SVOPL: variants seen among roughly 807,000 people sequenced by gnomAD.
SVOPL encodes putative transporter SVOPL.
In SVOPL, 60 loss-of-function variants were observed where a neutral mutation model predicts 61.0. The ratio of observed to expected loss-of-function variants is 0.98; its 90% CI spans 0.80 to 1.22. SVOPL has a LOEUF of 1.22. Among genes scored for constraint, SVOPL ranks in the 50% most tolerant of loss-of-function variants. The probability of loss-of-function intolerance (pLI) is 0.00; values close to 1 mark genes in which losing one functional copy is unlikely to be tolerated. For synonymous variants in SVOPL, 279 were observed against 250.0 expected (o/e 1.12, Z -1.09); for missense variants, 662 against 643.9 (o/e 1.03, Z -0.30).
Position 138,621,946 on chromosome 7 carries a change from GTATCTATCTATCTA to G in SVOPL, c.1264-825_1264-812del, listed in dbSNP as rs1563095770. Among the ~76,000 whole-genome samples, 14 of 16,400 alleles carry G rather than the reference GTATCTATCTATCTA, an allele frequency of 8.5e-4. 1 individual carries two copies. Among genetic ancestry groups the G allele is most frequent in the African/African-American group, 2.5e-3 (14 of 5,546 alleles). 10.8% of individuals were successfully genotyped at this position (16,400 alleles called of 152,430 possible). A position where few individuals can be genotyped will look rare whatever the true frequency, so the allele number is the denominator to read the frequency against. On this transcript the variant is annotated intron_variant, in intron 13 of 15. Coordinates refer to ENST00000674285, the MANE Select transcript of SVOPL (RefSeq NM_001139456.2). ...TCTATCTATGTATCTATCTATCTATGTATCTATCTATCTATGTATCTATCTATGTATCTATCTAT... is the reference window on the plus strand; with the variant it reads ...TCTATCTATGTATCTATCTATCTATGTGTATCTATCTATGTATCTATCTAT...
chr7:138,672,681 A>C (rs1802458868), intron 3 of SVOPL, among the ~76,000 whole-genome samples: 1 of 150,614 alleles, frequency 6.6e-6, no homozygotes. Flanking sequence ...AAAAAGAAGC[A>C]ATGGGATCTC....
chr7:138,616,900 C>T (rs1357775117), intron 14 of SVOPL, among the ~76,000 whole-genome samples: 1 of 152,230 alleles, frequency 6.6e-6, no homozygotes, highest in Non-Finnish European at 1.5e-5. Context: ...AAGTCTCACA[C>T]TTCAGCCTCC....
At chr7:138,676,251 T>C (rs1802556951) in intron 3 of SVOPL, among the ~76,000 whole-genome samples, 1 of 152,266 alleles carries the variant, frequency 6.6e-6, no homozygotes, top group Admixed American at 6.5e-5. Context: ...GTCATTCTTC[T>C]TTCTTCAAAA....
At chr7:138,629,024 T>TA (rs761030113) in intron 10 of SVOPL, among the ~76,000 whole-genome samples, 1 of 151,894 alleles carries the variant, frequency 6.6e-6, no homozygotes, top group Non-Finnish European at 1.5e-5. Context: ...CAAAATAAAA[T>TA]AAATAAATTT....
intron 14 of SVOPL, among the ~76,000 whole-genome samples, chr7:138,615,240 G>A (rs1799237150): frequency 6.6e-6 from 1 of 152,102 alleles, no homozygotes. Flanking sequence ...GAGCACTCAT[G>A]AATGGAATTA....
Position 138,660,031 on chromosome 7 carries a change from C to T in SVOPL, c.346-43G>A, listed in dbSNP as rs151147413. ...CACATGAATGGGACCTGCCTCAATG[C>T]GGGGAGGGAAGAAGCCCTAACTTCT... On this transcript the variant is annotated intron_variant, in intron 5 of 15. Transcript: ENST00000674285. The T allele has an allele frequency of 3.4e-5, 53 of 1,546,548 alleles. No homozygotes were observed. In the African/African-American group the frequency reaches 5.3e-4, roughly 16 times the overall value.
intron 9 of SVOPL, among the ~76,000 whole-genome samples, chr7:138,632,711 G>A (rs376775100): frequency 2.0e-5 from 3 of 151,728 alleles, no homozygotes; most frequent in East Asian, 2.0e-4. Context: ...ATGGGAGACA[G>A]GGGGTTGTGG....
At chr7:138,620,021 C>T (rs1245897203) in intron 14 of SVOPL, among the ~76,000 whole-genome samples, 1 of 151,952 alleles carries the variant, frequency 6.6e-6, no homozygotes, top group African/African-American at 2.4e-5. Context: ...CTGTCAGTGC[C>T]CCCACTCCCA....
rs560454465 is a variant in SVOPL at position 138,700,082 on chromosome 7, A to G, written c.-35+1096T>C. On this transcript the variant is annotated intron_variant, in intron 1 of 15. Coordinates refer to ENST00000674285, the MANE Select transcript of SVOPL (RefSeq NM_001139456.2). ...TGTAGCGTTCACATCTGTACCTTGGAAAGGGGCTTACTCTCCAAGTCATTA... is the reference window on the plus strand; with the variant it reads ...TGTAGCGTTCACATCTGTACCTTGGGAAGGGGCTTACTCTCCAAGTCATTA... Among the ~76,000 whole-genome samples the G allele has an allele frequency of 2.0e-5, 3 of 152,256 alleles. No homozygotes were observed. In the East Asian group the frequency reaches 5.8e-4, roughly 29 times the overall value.
At chr7:138,664,046 C>G (rs1451951703) in intron 4 of SVOPL, among the ~76,000 whole-genome samples, 1 of 152,148 alleles carries the variant, frequency 6.6e-6, no homozygotes, top group African/African-American at 2.4e-5. Flanking sequence ...CTTTCTAGGA[C>G]AGAAACGTTC....
chr7:138,596,453 G>T lies in SVOPL; in HGVS notation c.1431C>A (p.Phe477Leu). The change falls in exon 15 of 16, where the codon TTC becomes TTA. Residue 477 changes from phenylalanine to leucine, a missense_variant. By Grantham distance (22) the Phe-to-Leu change is conservative (BLOSUM62 0). Coordinates refer to ENST00000674285, the MANE Select transcript of SVOPL (RefSeq NM_001139456.2). ...SVCVVCAISA[F>L]TLPIETKGRA... ...GTCCTTTGGTTTCGATGGGGAGAGT[G>T]AATGCAGAAATGGCGCATACAACAC... 5.0e-6 allele frequency: 8 copies of T among 1,614,004 alleles called. No homozygotes were observed. The highest frequency in any genetic ancestry group is 1.3e-5 in the African/African-American group (1 of 75,024).
Position 138,644,723 on chromosome 7 carries a change from G to C in SVOPL, c.783C>G (p.Pro261=). 1.9e-6 allele frequency: 3 copies of C among 1,614,040 alleles called. No individual in the cohort carries two copies. The highest frequency in any genetic ancestry group is 2.5e-6 in the Non-Finnish European group (3 of 1,180,000). Residue 261 remains proline, a synonymous_variant, in exon 9 of 16, where the codon CCC becomes CCG. Coordinates refer to ENST00000674285, the MANE Select transcript of SVOPL (RefSeq NM_001139456.2). ...CTCGGGGGCCAGCACTCACCAGGAC[G>C]GGCTCCACCAGCTTCCCCTCCGGCA... The part of the protein sequence containing the change: ...SVMPEGKLVE[P]VLEKRGRFAD...
At chr7:138,651,554 T>C (rs748885549) in intron 7 of SVOPL, among the ~76,000 whole-genome samples, 6 of 152,222 alleles carry the variant, frequency 3.9e-5, no homozygotes, top group Non-Finnish European at 7.3e-5. Context: ...ATTTTCCCAA[T>C]AGCATGTGCT....
Position 138,612,416 on chromosome 7 carries a change from A to T in SVOPL, c.1353+8630T>A, listed in dbSNP as rs1417263868. Among the ~76,000 whole-genome samples, 43 of 135,552 alleles carry T rather than the reference A, an allele frequency of 3.2e-4. 8 individuals carry two copies. Among genetic ancestry groups the T allele is most frequent in the South Asian group, 5.3e-4 (2 of 3,740 alleles). 88.9% of individuals were successfully genotyped at this position (135,552 alleles called of 152,430 possible). A position where few individuals can be genotyped will look rare whatever the true frequency, so the allele number is the denominator to read the frequency against. On this transcript the variant is annotated intron_variant, in intron 14 of 15. Transcript: ENST00000674285. Reference sequence around the variant, plus strand: ...ATAAAAAAATAAATTAAAAAAAAAAAAAAAAAATAAAATAAAAAATAAAAA... The same window carrying T: ...ATAAAAAAATAAATTAAAAAAAAAATAAAAAAATAAAATAAAAAATAAAAA...
rs556616106 is a variant in SVOPL at position 138,646,399 on chromosome 7, G to A, written c.661-1554C>T. On this transcript the variant is annotated intron_variant, in intron 8 of 15. Transcript: ENST00000674285. Reference sequence around the variant, plus strand: ...TATGTGGCCAAAGGAACAACTCCATGTTGTCTAAGAGGTCTGGTGACCTCT... The same window carrying A: ...TATGTGGCCAAAGGAACAACTCCATATTGTCTAAGAGGTCTGGTGACCTCT... The A allele has an allele frequency of 1.6e-5, 3 of 189,174 alleles. No individual in the cohort carries two copies. The South Asian group carries it at 3.4e-4, about 22-fold the overall frequency. 11.7% of individuals were successfully genotyped at this position (189,174 alleles called of 1,614,324 possible).
intron 14 of SVOPL, among the ~76,000 whole-genome samples, chr7:138,603,955 C>CTT (rs560678707): frequency 1.4e-3 from 152 of 109,236 alleles, no homozygotes; most frequent in African/African-American, 3.4e-3. Flanking sequence ...TTAATTTATT[C>CTT]TTTTTTTTTT....
At chr7:138,644,988 G>A (rs117028169) in intron 8 of SVOPL, 143 bp from the exon 9 acceptor site, 23,990 of 1,057,754 alleles carry the variant, frequency 0.023, 354 homozygotes, top group Non-Finnish European at 0.028. Flanking sequence ...AATGTAGCAG[G>A]TATTCTGTTG....
intron 14 of SVOPL, among the ~76,000 whole-genome samples, chr7:138,609,651 C>A (rs1798906393): frequency 6.6e-6 from 1 of 150,580 alleles, no homozygotes; most frequent in Non-Finnish European, 1.5e-5. Context: ...AGAGTGAGAC[C>A]CTGTCTTAAA....
At chr7:138,637,259 C>T (rs1800510919) in intron 9 of SVOPL, among the ~76,000 whole-genome samples, 1 of 151,856 alleles carries the variant, frequency 6.6e-6, no homozygotes, top group Non-Finnish European at 1.5e-5. Flanking sequence ...GAAACCCCAA[C>T]TCTACTAAAA....
Sources: gnomAD v4.1 joint callset for allele counts (sites outside exome capture counted in the v4.1 genomes callset) on GRCh38, gnomAD v4.1.1 for gene constraint, MANE v1.5 for transcripts, NCBI Gene and HGNC (gene_info 2026-07-23, HGNC 2026-07-21) for gene names.